The following STAU1 variants were observed in gnomAD, a reference collection of about 807,000 sequenced individuals.
The protein encoded by STAU1 is double-stranded RNA-binding protein Staufen homolog 1.
Under a neutral mutation model 62.9 loss-of-function variants are expected in STAU1, and 13 were observed. The ratio of observed to expected loss-of-function variants is 0.21; its 90% confidence interval spans 0.13 to 0.33. The LOEUF is 0.33. Among genes scored for constraint, STAU1 ranks in the 10% least tolerant of loss-of-function variants. STAU1 has a pLI of 1.00. For synonymous variants in STAU1, 269 were observed against 265.1 expected, an observed-to-expected ratio of 1.01 and a Z score of -0.14; for missense variants, 571 against 712.1, an observed-to-expected ratio of 0.80 and a Z score of 2.25.
At chr20:49,192,876 G>A (rs1049989872), upstream of STAU1, among the ~76,000 whole-genome samples, 1 of 152,146 alleles carries the variant, frequency 6.6e-6, no homozygotes, top group African/African-American at 2.4e-5. Flanking sequence ...GGATCTCTAT[G>A]AGCCATGTCT....
chr20:49,125,198 CAAA>C (rs1171534142), intron 6 of STAU1, among the ~76,000 whole-genome samples: 1,552 of 33,724 alleles, frequency 0.046, 49 homozygotes, highest in African/African-American at 0.091. Flanking sequence ...CTCATTTTTG[CAAA>C]AAAAAAAAAA....
chr20:49,125,070 G>GT (rs2092561231), intron 6 of STAU1, among the ~76,000 whole-genome samples: 2 of 20,958 alleles, frequency 9.5e-5, no homozygotes, highest in Admixed American at 4.2e-4. Context: ...CACACATTAA[G>GT]TAAAAAAAAA....
At chr20:49,151,769 GC>G (rs1231747078) in intron 4 of STAU1, 22 bp from the exon 5 acceptor site, 1 of 1,596,996 alleles carries the variant, frequency 6.3e-7, no homozygotes, top group Non-Finnish European at 8.5e-7. Context: ...AGGAGGTTAG[GC>G]AAATTACAGT....
At chr20:49,205,513 G>A in the STAU1 span, among the ~76,000 whole-genome samples, 21 of 150,122 alleles carry the variant, frequency 1.4e-4, no homozygotes, top group East Asian at 7.9e-4. Flanking sequence ...TTACAGGCAC[G>A]CACCTCCATG....
chr20:49,217,282 T>G, the STAU1 span, among the ~76,000 whole-genome samples: 6 of 152,036 alleles, frequency 3.9e-5, no homozygotes, highest in Non-Finnish European at 8.8e-5. Flanking sequence ...CTCCGTTCTC[T>G]CTCACATGCG....
intron 5 of STAU1, among the ~76,000 whole-genome samples, chr20:49,143,206 G>T (rs763978293): frequency 2.6e-5 from 4 of 152,184 alleles, no homozygotes; most frequent in Non-Finnish European, 5.9e-5. Context: ...AATGAGGAAG[G>T]TTTAGTGGGC....
intron 9 of STAU1, 59 bp from the exon 10 acceptor site, chr20:49,118,467 T>A: frequency 1.5e-6 from 2 of 1,307,738 alleles, no homozygotes; most frequent in African/African-American, 1.5e-5. Flanking sequence ...ACTGAAAAAT[T>A]AGCTCCTGCT....
At chr20:49,157,367 G>A (rs1481911627) in intron 3 of STAU1, among the ~76,000 whole-genome samples, 1 of 152,022 alleles carries the variant, frequency 6.6e-6, no homozygotes. Context: ...TGTCCAGGCT[G>A]GAGCTCAAAT....
intron 6 of STAU1, among the ~76,000 whole-genome samples, chr20:49,134,274 A>G (rs143033084): frequency 1.3e-5 from 2 of 152,062 alleles, no homozygotes; most frequent in East Asian, 3.9e-4. Context: ...TCTACTAAAA[A>G]TACAAAATTA....
In STAU1 at chr20:49,114,755, C is replaced by A; in HGVS notation, c.*123G>T. ...CTGTTGTCTTCCCTGCTGCTGCCCA[C>A]ATCCTTTACCCACCGTGTCTCTCGG... On this transcript the variant is annotated 3_prime_UTR_variant, in exon 14 of 14. Transcript: ENST00000371856. 1 of 915,010 alleles carries A rather than the reference C, an allele frequency of 1.1e-6. No homozygotes were observed. Among genetic ancestry groups the A allele is most frequent in the Non-Finnish European group, 1.8e-6 (1 of 571,116 alleles). The allele number at this position is 915,010 out of a possible 1,614,324, so 56.7% of individuals were successfully genotyped here. A position where few individuals can be genotyped will look rare whatever the true frequency, so the allele number is the denominator to read the frequency against.
chr20:49,114,995 A>T, intron 13 of STAU1, 102 bp from the exon 14 acceptor site: 2 of 1,221,762 alleles, frequency 1.6e-6, no homozygotes, highest in Non-Finnish European at 2.4e-6. Flanking sequence ...GAAGTACAAT[A>T]CTAAAAGCCC....
intron 6 of STAU1, among the ~76,000 whole-genome samples, chr20:49,135,556 T>C (rs2092860486): frequency 6.6e-6 from 1 of 152,154 alleles, no homozygotes; most frequent in Non-Finnish European, 1.5e-5. Context: ...AATACACATA[T>C]GAACACTAAC....
intron 9 of STAU1, 66 bp from the exon 10 acceptor site, chr20:49,118,474 T>C: frequency 7.9e-7 from 1 of 1,272,808 alleles, no homozygotes; most frequent in South Asian, 1.3e-5. Context: ...AATTAGCTCC[T>C]GCTGTCTAAA....
At chr20:49,172,823 C>T (rs1165633412) in intron 2 of STAU1, among the ~76,000 whole-genome samples, 6 of 152,084 alleles carry the variant, frequency 3.9e-5, no homozygotes, top group Admixed American at 3.3e-4. Context: ...TTGACAAAGC[C>T]TCACTTGTAG....
intron 6 of STAU1, among the ~76,000 whole-genome samples, chr20:49,134,260 C>T (rs1454129341): frequency 6.6e-6 from 1 of 151,824 alleles, no homozygotes; most frequent in Non-Finnish European, 1.5e-5. Flanking sequence ...GGAGAAACCC[C>T]GTTTCTACTA....
chr20:49,117,627 C>T lies in STAU1; in HGVS notation c.1509+150G>A, dbSNP rs2092359329. On this transcript the variant is annotated intron_variant, in intron 11 of 13. Coordinates refer to ENST00000371856, the MANE Select transcript of STAU1 (RefSeq NM_017453.4). The surrounding 1 kb of genome is among the most constrained non-coding windows in gnomAD (Gnocchi z 4.6). Reference sequence around the variant, plus strand: ...CACATATGCTTACAATACTTCTATACCTCCTACCCTTCCATCACTGCTCCC... The same window carrying T: ...CACATATGCTTACAATACTTCTATATCTCCTACCCTTCCATCACTGCTCCC... 1.3e-6 allele frequency: 1 copy of T among 752,942 alleles called. No individual in the cohort carries two copies. Among genetic ancestry groups the T allele is most frequent in the African/African-American group, 1.8e-5 (1 of 56,614 alleles). 46.6% of individuals were successfully genotyped at this position (752,942 alleles called of 1,614,324 possible).
chr20:49,201,603 G>A, the STAU1 span, among the ~76,000 whole-genome samples: 16 of 151,976 alleles, frequency 1.1e-4, no homozygotes, highest in African/African-American at 1.7e-4. Context: ...TTAGCCGGGC[G>A]TTGTGGCAGG....
chr20:49,128,401 C>T (rs1388836102), intron 6 of STAU1, among the ~76,000 whole-genome samples: 1 of 152,160 alleles, frequency 6.6e-6, no homozygotes, highest in African/African-American at 2.4e-5. Context: ...AGAGCCATGG[C>T]TCTCCAGCAG....
At chr20:49,118,479 T>C (rs1377845661) in intron 9 of STAU1, 71 bp from the exon 10 acceptor site, 4 of 1,212,922 alleles carry the variant, frequency 3.3e-6, no homozygotes, top group Non-Finnish European at 4.7e-6. Context: ...GCTCCTGCTG[T>C]CTAAATCTAC....
Sources: gnomAD v4.1 joint callset for allele counts (sites outside exome capture counted in the v4.1 genomes callset) on GRCh38, gnomAD v4.1.1 for gene constraint, Gnocchi (gnomAD v3.1) non-coding constraint, MANE v1.5 for transcripts, NCBI Gene and HGNC (gene_info 2026-07-23, HGNC 2026-07-21) for gene names.